MSI2: variants seen among roughly 807,000 people sequenced by gnomAD.
The protein encoded by MSI2 is musashi RNA binding protein 2.
In MSI2, 17 loss-of-function variants were observed where a neutral mutation model predicts 45.6. The ratio of observed to expected loss-of-function variants is 0.37; its 90% CI spans 0.26 to 0.56. The LOEUF is 0.56. Ranked by LOEUF, MSI2 falls within the 20% of genes least tolerant of loss-of-function variation. The pLI is 0.77. For synonymous variants in MSI2, 156 were observed against 158.2 expected, an observed-to-expected ratio of 0.99 and a Z score of 0.11; for missense variants, 293 against 444.2, an observed-to-expected ratio of 0.66 and a Z score of 3.06.
chr17:57,497,102 A>C (rs758492509), intron 6 of MSI2, among the ~76,000 whole-genome samples: 2 of 152,110 alleles, frequency 1.3e-5, no homozygotes, highest in Non-Finnish European at 2.9e-5. Flanking sequence ...CTCGCCTCCC[A>C]AGTAGCTAGG....
intron 6 of MSI2, among the ~76,000 whole-genome samples, chr17:57,403,172 G>C (rs1384793026): frequency 1.3e-5 from 2 of 152,200 alleles, no homozygotes; most frequent in Non-Finnish European, 2.9e-5. Context: ...TGTCAGAAAA[G>C]TCGGTGCTGC....
At chr17:57,687,199 A>AC (rs201030543), downstream of MSI2, among the ~76,000 whole-genome samples, 1 of 151,640 alleles carries the variant, frequency 6.6e-6, no homozygotes, top group Non-Finnish European at 1.5e-5. Flanking sequence ...TGTACTCAAA[A>AC]TGTAAGCTTT....
chr17:57,524,293 C>G lies in MSI2; in HGVS notation c.406-5383C>G, dbSNP rs191534260. On this transcript the variant is annotated intron_variant, in intron 6 of 13. Coordinates refer to ENST00000284073, the MANE Select transcript of MSI2 (RefSeq NM_138962.4). The stretch of plus-strand genomic sequence containing the variant: ...CCCAGATTCAAGGGATGAAAGTAGA[C>G]TCCACCTCTTTGGGGGAGAAGGACC... Among the ~76,000 whole-genome samples, 348 of 152,352 alleles carry G rather than the reference C, an allele frequency of 2.3e-3. 1 individual carries two copies. Among genetic ancestry groups the G allele is most frequent in the Middle Eastern group, 6.8e-3 (2 of 294 alleles).
chr17:57,632,046 C>T (rs774546304), intron 10 of MSI2: 16 of 1,339,020 alleles, frequency 1.2e-5, no homozygotes, highest in Non-Finnish European at 1.5e-5. Flanking sequence ...CAGTCCCCTC[C>T]CACTTTGCTT....
intron 3 of MSI2, 108 bp from the exon 4 acceptor site, chr17:57,258,162 C>G (rs935827742): frequency 7.1e-6 from 6 of 851,024 alleles, no homozygotes; most frequent in Non-Finnish European, 1.2e-5. Context: ...GGTGGGGGTG[C>G]GTGGGGGGCA....
chr17:57,549,818 G>A (rs141299351), intron 7 of MSI2, among the ~76,000 whole-genome samples: 512 of 152,350 alleles, frequency 3.4e-3, no homozygotes, highest in African/African-American at 0.01. Flanking sequence ...TCAGGGGCAA[G>A]GCATCAGTAG....
intron 6 of MSI2, among the ~76,000 whole-genome samples, chr17:57,443,373 C>T (rs2084836612): frequency 6.6e-6 from 1 of 152,196 alleles, no homozygotes; most frequent in Non-Finnish European, 1.5e-5. Flanking sequence ...ACTAATAGGA[C>T]TTCCTGGCAG....
intron 10 of MSI2, among the ~76,000 whole-genome samples, chr17:57,636,836 A>G (rs1201433110): frequency 2.6e-5 from 4 of 152,206 alleles, no homozygotes; most frequent in Admixed American, 6.5e-5. Flanking sequence ...CCAGCGAGCA[A>G]TGGCTGGTTT....
chr17:57,276,261 T>C (rs1446680802), intron 5 of MSI2, among the ~76,000 whole-genome samples: 1 of 152,206 alleles, frequency 6.6e-6, no homozygotes, highest in African/African-American at 2.4e-5. Flanking sequence ...TGTGGAGTTG[T>C]GATTGCTTTC....
chr17:57,461,785 G>A (rs754359133), intron 6 of MSI2, among the ~76,000 whole-genome samples: 29 of 152,166 alleles, frequency 1.9e-4, no homozygotes, highest in Non-Finnish European at 3.2e-4. Flanking sequence ...CTGCTACCTC[G>A]GCCTCCCAAA....
At chr17:57,288,758 C>A (rs1910136465) in intron 5 of MSI2, among the ~76,000 whole-genome samples, 3 of 152,184 alleles carry the variant, frequency 2.0e-5, no homozygotes, top group Admixed American at 6.5e-5. Context: ...ACCTTCTGTG[C>A]TCTAGGCCAG....
chr17:57,559,818 C>T (rs1598400160), intron 7 of MSI2, among the ~76,000 whole-genome samples: 1 of 152,244 alleles, frequency 6.6e-6, no homozygotes, highest in Non-Finnish European at 1.5e-5. Flanking sequence ...GAGAGTCTGG[C>T]CACAATGGCC....
At chr17:57,468,028 A>G (rs2085360585) in intron 6 of MSI2, among the ~76,000 whole-genome samples, 1 of 151,652 alleles carries the variant, frequency 6.6e-6, no homozygotes. Flanking sequence ...TCGTTGCCTC[A>G]AACCCAGCAA....
intron 8 of MSI2, among the ~76,000 whole-genome samples, chr17:57,609,753 C>T (rs982105431): frequency 1.3e-5 from 2 of 152,240 alleles, no homozygotes; most frequent in African/African-American, 4.8e-5. Flanking sequence ...GGAGTGGCCA[C>T]TCATAGTAGC....
At chr17:57,364,159 C>T (rs1917021288) in intron 5 of MSI2, among the ~76,000 whole-genome samples, 1 of 152,130 alleles carries the variant, frequency 6.6e-6, no homozygotes, top group Non-Finnish European at 1.5e-5. Flanking sequence ...GTTTTGTTAG[C>T]CCTCTCTGTG....
intron 5 of MSI2, among the ~76,000 whole-genome samples, chr17:57,351,134 C>T (rs1445199802): frequency 1.3e-5 from 2 of 152,102 alleles, no homozygotes; most frequent in African/African-American, 2.4e-5. Context: ...TTGATAGTGT[C>T]TTCCATTGGC....
chr17:57,285,092 TA>T (rs904290421), intron 5 of MSI2, among the ~76,000 whole-genome samples: 9 of 151,758 alleles, frequency 5.9e-5, no homozygotes, highest in African/African-American at 1.9e-4. Flanking sequence ...CTTTTCACCT[TA>T]AAAAAAATTG....
chr17:57,299,396 A>G (rs996688878), intron 5 of MSI2, among the ~76,000 whole-genome samples: 21 of 152,328 alleles, frequency 1.4e-4, no homozygotes, highest in African/African-American at 4.8e-4. Context: ...CACTAAGCTT[A>G]AGCCTTCCTA....
At chr17:57,513,660 G>C (rs1243765266) in intron 6 of MSI2, among the ~76,000 whole-genome samples, 1 of 152,220 alleles carries the variant, frequency 6.6e-6, no homozygotes, top group East Asian at 1.9e-4. Flanking sequence ...AGTTAGGGCG[G>C]AGGGGCTCCT....
Sources: gnomAD v4.1 joint callset for allele counts (sites outside exome capture counted in the v4.1 genomes callset) on GRCh38, gnomAD v4.1.1 for gene constraint, MANE v1.5 for transcripts, NCBI Gene and HGNC (gene_info 2026-07-23, HGNC 2026-07-21) for gene names.